The following CEP295 variants were observed in gnomAD, a reference collection of about 807,000 sequenced individuals.
The protein encoded by CEP295 is centrosomal protein of 295 kDa.
A neutral mutation model predicts 291.6 loss-of-function variants in CEP295; 190 were observed. That is an observed-to-expected ratio of 0.65 (90% CI 0.58 to 0.73). The LOEUF is 0.73. Among genes scored for constraint, CEP295 ranks in the 30% least tolerant of loss-of-function variants. The pLI is 0.00. For missense variants in CEP295, 2,863 were observed against 2,949.4 expected (o/e 0.97, Z 0.68); for synonymous variants, 993 against 1,038.8 (o/e 0.96, Z 0.85).
chr11:93,716,161 C>T (rs1220571338), intron 18 of CEP295, among the ~76,000 whole-genome samples: 1 of 152,188 alleles, frequency 6.6e-6, no homozygotes. Flanking sequence ...CTTGCCAAAA[C>T]TCAACTTCCA....
intron 7 of CEP295, among the ~76,000 whole-genome samples, chr11:93,681,569 C>T (rs1950967110): frequency 6.6e-6 from 1 of 151,674 alleles, no homozygotes; most frequent in Non-Finnish European, 1.5e-5. Context: ...GCACATACCA[C>T]CACGCTTGGC....
chr11:93,685,187 A>G (rs1278866497), intron 9 of CEP295, among the ~76,000 whole-genome samples: 1 of 152,206 alleles, frequency 6.6e-6, no homozygotes, highest in African/African-American at 2.4e-5. Context: ...AGTCCTCTTC[A>G]TGGAATTCAG....
At chr11:93,692,253 T>A (rs973188038) in intron 12 of CEP295, among the ~76,000 whole-genome samples, 2 of 152,230 alleles carry the variant, frequency 1.3e-5, no homozygotes, top group Non-Finnish European at 2.9e-5. Flanking sequence ...TTTGTATAGA[T>A]CTTCCCTATA....
At chr11:93,681,734 T>G (rs1004052720) in intron 7 of CEP295, among the ~76,000 whole-genome samples, 1 of 152,016 alleles carries the variant, frequency 6.6e-6, no homozygotes. Context: ...GTATTTTTAG[T>G]AGAGACGGGG....
intron 22 of CEP295, among the ~76,000 whole-genome samples, chr11:93,724,696 G>A (rs1223243429): frequency 1.3e-5 from 2 of 152,118 alleles, no homozygotes; most frequent in Admixed American, 6.5e-5. Context: ...GAGCCCAGGA[G>A]GTGGAGGCTG....
At chr11:93,686,170 T>G (rs1303055482) in intron 9 of CEP295, among the ~76,000 whole-genome samples, 1 of 151,924 alleles carries the variant, frequency 6.6e-6, no homozygotes, top group Non-Finnish European at 1.5e-5. Flanking sequence ...AATACAAAAA[T>G]TAGCCGGGTG....
At chr11:93,721,675 T>TGC in intron 19 of CEP295, 1 of 705,090 alleles carries the variant, frequency 1.4e-6, no homozygotes, top group Non-Finnish European at 2.6e-6. Context: ...GGTGTGTGTG[T>TGC]GTGTGTGTGT....
In CEP295 at chr11:93,727,283, A is replaced by G. The variant is rs536028401; in HGVS notation, c.6807A>G (p.Lys2269=). The change falls in exon 24 of 30, where the codon AAA becomes AAG. Residue 2269 remains lysine (K), a synonymous_variant. Transcript: ENST00000325212. ...CTAACTCTAGTGAGTGCTCAACAAAACACCAACTAGAAAGCAGAAAGGAAA... is the reference window on the plus strand; with the variant it reads ...CTAACTCTAGTGAGTGCTCAACAAAGCACCAACTAGAAAGCAGAAAGGAAA... ...CGSNSSECST[K]HQLESRKESM... is the part of the protein sequence containing the mutation. 3.7e-5 allele frequency: 57 copies of G among 1,551,716 alleles called. 1 individual carries two copies. The South Asian group carries it at 5.7e-4, about 16-fold the overall frequency.
chr11:93,689,916 A>G (rs565817067), intron 10 of CEP295, among the ~76,000 whole-genome samples: 2 of 152,360 alleles, frequency 1.3e-5, no homozygotes, highest in South Asian at 4.1e-4. Context: ...AGCCATGGGC[A>G]TAGAAAACCA....
chr11:93,715,855 A>G (rs1292886687), intron 18 of CEP295, among the ~76,000 whole-genome samples: 3 of 151,908 alleles, frequency 2.0e-5, no homozygotes, highest in African/African-American at 7.3e-5. Context: ...TGGGTATTCA[A>G]TTTGCAAAAC....
chr11:93,695,630 CTG>C lies in CEP295; in HGVS notation c.1668_1669del (p.Val558TrpfsTer12), dbSNP rs1238929621. 14 of 1,488,228 alleles carry C rather than the reference CTG, an allele frequency of 9.4e-6. No individual in the cohort carries two copies. The highest frequency in any genetic ancestry group is 1.2e-5 in the Non-Finnish European group (14 of 1,129,502). 92.2% of individuals were successfully genotyped at this position (1,488,228 alleles called of 1,614,324 possible). On this transcript the variant is annotated frameshift_variant and splice_region_variant, in exon 13 of 30. Transcript: ENST00000325212. LOFTEE classifies it high-confidence loss of function. The stretch of plus-strand genomic sequence containing the variant: ...GAAAAAAGAAAAAAAACTCAACCGA[CTG>C]GGGTAGGATGCAGAAAATCTCATCA...
chr11:93,707,769 A>G (rs1952613778), intron 18 of CEP295, among the ~76,000 whole-genome samples: 1 of 150,644 alleles, frequency 6.6e-6, no homozygotes, highest in South Asian at 2.1e-4. Flanking sequence ...AAAAAAAAAG[A>G]AGAAGTTACA....
rs1435324548 is a variant in CEP295, at chr11:93,679,478, C to T, written c.691C>T (p.Gln231Ter). Residue 231 changes from glutamine (Q) to a stop codon, truncating the protein, a stop_gained, in exon 7 of 30, where the codon CAA (glutamine) becomes TAA (stop). Coordinates refer to ENST00000325212, the MANE Select transcript of CEP295 (RefSeq NM_033395.2). LOFTEE classifies it high-confidence loss of function. ...GGAAGAACTACAAAAACAGGCAGCA[C>T]AAGAGAGAATGGAACGGTTTGAAAA... ...RLEELQKQAA[Q>*]ERMERFEKAH... 3 of 1,551,312 alleles carry T rather than the reference C, an allele frequency of 1.9e-6. No homozygotes were observed. In the African/African-American group the frequency reaches 4.1e-5, roughly 21 times the overall value.
Position 93,679,468 on chromosome 11 carries a change from A to G in CEP295, c.681A>G (p.Lys227=). The G allele has an allele frequency of 1.9e-6, 3 of 1,551,680 alleles. No homozygotes were observed. Among genetic ancestry groups the G allele is most frequent in the Non-Finnish European group, 2.6e-6 (3 of 1,146,908 alleles). ...CTAAACGATTGGAAGAACTACAAAA[A>G]CAGGCAGCACAAGAGAGAATGGAAC... ...EEAKRLEELQ[K]QAAQERMERF... The change falls in exon 7 of 30, where the codon AAA becomes AAG. Residue 227 remains lysine, a synonymous_variant. Transcript: ENST00000325212.
At chr11:93,696,521 G>A in intron 14 of CEP295, 104 bp downstream of exon 14, 1 of 1,063,976 alleles carries the variant, frequency 9.4e-7, no homozygotes, top group South Asian at 1.6e-5. Flanking sequence ...TTAGAATTAT[G>A]GCATTTAGAA....
intron 10 of CEP295, 94 bp downstream of exon 10, chr11:93,687,959 G>T: frequency 1.3e-6 from 1 of 788,166 alleles, no homozygotes; most frequent in Non-Finnish European, 1.9e-6. Flanking sequence ...GAGGTTAAAA[G>T]GAACAAAACA....
At chr11:93,666,401 C>G (rs531297962) in intron 1 of CEP295, among the ~76,000 whole-genome samples, 1 of 152,236 alleles carries the variant, frequency 6.6e-6, no homozygotes, top group East Asian at 1.9e-4. Context: ...CGAGACCAGC[C>G]TGGCCAACAT....
chr11:93,675,306 C>G (rs1338102151), intron 5 of CEP295, among the ~76,000 whole-genome samples: 1 of 151,920 alleles, frequency 6.6e-6, no homozygotes, highest in South Asian at 2.1e-4. Flanking sequence ...TGAAATTTCT[C>G]TATAAATAAC....
At chr11:93,676,243 C>T (rs1486905902) in intron 6 of CEP295, among the ~76,000 whole-genome samples, 1 of 151,968 alleles carries the variant, frequency 6.6e-6, no homozygotes, top group African/African-American at 2.4e-5. Context: ...AACTGTGTAA[C>T]ATTTGATACA....
Sources: gnomAD v4.1 joint callset for allele counts (sites outside exome capture counted in the v4.1 genomes callset) on GRCh38, gnomAD v4.1.1 for gene constraint, MANE v1.5 for transcripts, NCBI Gene and HGNC (gene_info 2026-07-23, HGNC 2026-07-21) for gene names.